The following CEP295 variants were observed in gnomAD, a reference collection of about 807,000 sequenced individuals.
CEP295 encodes centrosomal protein of 295 kDa.
CEP295 carries 190 observed loss-of-function variants against 291.6 expected under a neutral mutation model. The observed-to-expected ratio is 0.65, with a 90% CI of 0.58 to 0.73. CEP295 has a LOEUF of 0.73. CEP295 is among the 30% of genes least tolerant of loss of function. The probability of loss-of-function intolerance (pLI) is 0.00; values close to 1 mark genes in which losing one functional copy is unlikely to be tolerated. For missense variants in CEP295, 2,863 were observed against 2,949.4 expected (o/e 0.97, Z 0.68); for synonymous variants, 993 against 1,038.8 (o/e 0.96, Z 0.85).
At chr11:93,691,903 T>C in intron 11 of CEP295, 24 bp from the exon 12 acceptor site, 4 of 1,453,524 alleles carry the variant, frequency 2.8e-6, no homozygotes, top group Non-Finnish European at 3.7e-6. Context: ...TTGAAACTAA[T>C]TTTTGTTTGG....
chr11:93,665,185 G>A (rs1950151016), intron 1 of CEP295, among the ~76,000 whole-genome samples: 1 of 152,156 alleles, frequency 6.6e-6, no homozygotes, highest in South Asian at 2.1e-4. Context: ...CCTGAGAAAT[G>A]TTGATTGTCT....
chr11:93,692,839 GAC>G (rs1326731008), intron 12 of CEP295, among the ~76,000 whole-genome samples: 1 of 151,728 alleles, frequency 6.6e-6, no homozygotes, highest in African/African-American at 2.4e-5. Context: ...TGGGTGTGGT[GAC>G]ACAAATCTGT....
intron 1 of CEP295, among the ~76,000 whole-genome samples, chr11:93,662,995 T>C (rs1188221168): frequency 6.6e-6 from 1 of 152,182 alleles, no homozygotes; most frequent in Non-Finnish European, 1.5e-5. Flanking sequence ...CAAATCTAAA[T>C]GGAGGGACAT....
At chr11:93,703,627 G>T (rs1482532522) in intron 17 of CEP295, among the ~76,000 whole-genome samples, 1 of 141,206 alleles carries the variant, frequency 7.1e-6, no homozygotes, top group African/African-American at 2.7e-5. Context: ...TACCTTCACT[G>T]TTCTGTTCTT....
chr11:93,679,542 A>G lies in CEP295; in HGVS notation c.755A>G (p.His252Arg), dbSNP rs1310493587. ...GGATTCCAAGCAATGAAGAAGATCC[A>G]TTTGGCTCAAGTAAGACTTATATTC... ...VRGFQAMKKIHLAQNQEKLMK... is the reference protein window; with the variant it reads ...VRGFQAMKKIRLAQNQEKLMK... The change falls in exon 7 of 30, where the codon CAT (histidine) becomes CGT (arginine). Residue 252 changes from histidine (H) to arginine (R), a missense_variant. Physicochemically the swap from His to Arg is conservative, Grantham distance 29 (BLOSUM62 0). Around this residue, in one of 3 missense-constraint regions of CEP295, gnomAD observed 554 missense variants for 576.0 expected, o/e 0.96. Coordinates refer to ENST00000325212, the MANE Select transcript of CEP295 (RefSeq NM_033395.2). 2 of 1,551,360 alleles carry G rather than the reference A, an allele frequency of 1.3e-6. No homozygotes were observed. Among genetic ancestry groups the G allele is most frequent in the South Asian group, 2.4e-5 (2 of 84,024 alleles).
Position 93,730,044 on chromosome 11 carries a change from T to C in CEP295, c.7668-5T>C. ...TGTCTCTAATTCTATATAAATTCTT[T>C]ACAGGTTATACAATCAACTAGCTGA... On this transcript the variant is annotated splice_polypyrimidine_tract_variant and splice_region_variant and intron_variant, in intron 28 of 29. Coordinates refer to ENST00000325212, the MANE Select transcript of CEP295 (RefSeq NM_033395.2). 1 of 1,534,646 alleles carries C rather than the reference T, an allele frequency of 6.5e-7. No homozygotes were observed. The highest frequency in any genetic ancestry group is 8.8e-7 in the Non-Finnish European group (1 of 1,140,776).
At chr11:93,723,965 A>C (rs1953951265) in intron 21 of CEP295, 1 of 171,882 alleles carries the variant, frequency 5.8e-6, no homozygotes, top group Admixed American at 6.3e-5. Context: ...TATTTTAAAA[A>C]AAAATTTTTT....
chr11:93,725,246 CAAAA>C (rs143213241), intron 22 of CEP295, among the ~76,000 whole-genome samples: 1 of 127,310 alleles, frequency 7.9e-6, no homozygotes. Flanking sequence ...GACCCCATCT[CAAAA>C]AAAAAAAAAG....
At chr11:93,686,352 C>A (rs188831403) in intron 9 of CEP295, among the ~76,000 whole-genome samples, 2 of 151,938 alleles carry the variant, frequency 1.3e-5, no homozygotes, top group Admixed American at 1.3e-4. Flanking sequence ...CTCTTTCATG[C>A]AGCTTTTTCA....
In CEP295 at chr11:93,720,929, A is replaced by G. The variant is rs111524157; in HGVS notation, c.5750-383A>G. On this transcript the variant is annotated intron_variant, in intron 18 of 29. Transcript: ENST00000325212. ...TTTCTTTATTGTCTCTTTTATATGC[A>G]TGTTTTCGCATCTTTAGGACCACAC... is the stretch of plus-strand genomic sequence containing the variant. Among the ~76,000 whole-genome samples, 15 of 152,078 alleles carry G rather than the reference A, an allele frequency of 9.9e-5. No individual in the cohort carries two copies. The East Asian group carries it at 1.5e-3, about 16-fold the overall frequency.
chr11:93,699,831 A>G lies in CEP295; in HGVS notation c.4919A>G (p.His1640Arg), dbSNP rs1293837979. ...RKLNKSESAE[H>R]TIPSLFLPKE... is the part of the protein sequence containing the mutation. ...TTGAACAAAAGTGAATCTGCTGAGC[A>G]TACTATCCCCTCTTTGTTTCTACCC... The change falls in exon 15 of 30, where the codon CAT (histidine) becomes CGT (arginine). Residue 1640 changes from histidine to arginine, a missense_variant. His to Arg is a conservative substitution (Grantham distance 29, BLOSUM62 0). Coordinates refer to ENST00000325212, the MANE Select transcript of CEP295 (RefSeq NM_033395.2). 1.3e-6 allele frequency: 2 copies of G among 1,552,322 alleles called. No individual in the cohort carries two copies. Among genetic ancestry groups the G allele is most frequent in the Non-Finnish European group, 1.7e-6 (2 of 1,147,128 alleles).
chr11:93,697,017 A>G lies in CEP295; in HGVS notation c.2105A>G (p.Gln702Arg). Reference sequence around the variant, plus strand: ...CGCGCTTCAGATATTTTAACCAATCAAGCTTTAGAATCACAAGAACATCTA... The same window carrying G: ...CGCGCTTCAGATATTTTAACCAATCGAGCTTTAGAATCACAAGAACATCTA... ...TLRASDILTN[Q>R]ALESQEHLRQ... The change falls in exon 15 of 30, where the codon CAA (glutamine) becomes CGA (arginine). Residue 702 changes from glutamine (Q) to arginine (R), a missense_variant. Gln to Arg is a conservative substitution (Grantham distance 43). This residue lies in a region of CEP295 where 2,295 missense variants were observed against 2,335.7 expected (regional missense o/e 0.98). Coordinates refer to ENST00000325212, the MANE Select transcript of CEP295 (RefSeq NM_033395.2). 6.4e-7 allele frequency: 1 copy of G among 1,551,618 alleles called. No individual in the cohort carries two copies. The highest frequency in any genetic ancestry group is 8.7e-7 in the Non-Finnish European group (1 of 1,146,988).
Position 93,721,420 on chromosome 11 carries a change from A to G in CEP295, c.5850+8A>G, listed in dbSNP as rs1953702357. On this transcript the variant is annotated splice_region_variant and intron_variant, in intron 19 of 29. Transcript: ENST00000325212. ...GTGAAGCCAGATGATAAGGTTAGTA[A>G]TGTCTTAATGTTCACTCGATTTTTA... 1 of 1,510,090 alleles carries G rather than the reference A, an allele frequency of 6.6e-7. No individual in the cohort carries two copies. The highest frequency in any genetic ancestry group is 1.4e-5 in the African/African-American group (1 of 72,846). 93.5% of individuals were successfully genotyped at this position (1,510,090 alleles called of 1,614,324 possible).
chr11:93,696,488 A>G, intron 14 of CEP295, 71 bp downstream of exon 14: 1 of 1,131,960 alleles, frequency 8.8e-7, no homozygotes, highest in Non-Finnish European at 1.3e-6. Context: ...TTTCATTTAT[A>G]TGAGGATCTA....
chr11:93,720,175 TAAC>T (rs1953592088), intron 18 of CEP295, among the ~76,000 whole-genome samples: 1 of 148,880 alleles, frequency 6.7e-6, no homozygotes, highest in Non-Finnish European at 1.5e-5. Context: ...CTGGGAAACA[TAAC>T]AAGACTCTGT....
chr11:93,725,815 A>G lies in CEP295; in HGVS notation c.6483A>G (p.Thr2161=), dbSNP rs1235791695. ...LAHVGAHSFA[T]ENIIGGSEQC... ...ATGTTGGAGCTCACAGTTTTGCTACAGAAAATATTATTGGGGGTATGTATG... is the reference window on the plus strand; with the variant it reads ...ATGTTGGAGCTCACAGTTTTGCTACGGAAAATATTATTGGGGGTATGTATG... The change falls in exon 23 of 30, where the codon ACA becomes ACG. Residue 2161 remains threonine, a synonymous_variant. Coordinates refer to ENST00000325212, the MANE Select transcript of CEP295 (RefSeq NM_033395.2). The G allele has an allele frequency of 6.4e-7, 1 of 1,550,900 alleles. No individual in the cohort carries two copies. The highest frequency in any genetic ancestry group is 8.7e-7 in the Non-Finnish European group (1 of 1,146,808).
intron 18 of CEP295, among the ~76,000 whole-genome samples, chr11:93,710,154 C>T (rs1209743071): frequency 6.6e-6 from 1 of 152,150 alleles, no homozygotes; most frequent in Non-Finnish European, 1.5e-5. Context: ...GCTAGGACTT[C>T]CAGTACCATT....
At chr11:93,676,597 G>GT (rs1361728308) in intron 6 of CEP295, among the ~76,000 whole-genome samples, 1 of 151,942 alleles carries the variant, frequency 6.6e-6, no homozygotes, top group Non-Finnish European at 1.5e-5. Flanking sequence ...AGATGCAAGA[G>GT]TAAATCTGAG....
chr11:93,724,160 A>T, intron 21 of CEP295, 94 bp from the exon 22 acceptor site: 1 of 1,162,706 alleles, frequency 8.6e-7, no homozygotes, highest in Non-Finnish European at 1.2e-6. Flanking sequence ...GTTTATGAAT[A>T]TGTTCTTAAT....
Sources: gnomAD v4.1 joint callset for allele counts (sites outside exome capture counted in the v4.1 genomes callset) on GRCh38, gnomAD v4.1.1 for gene constraint, gnomAD v4.1.1 regional missense constraint, MANE v1.5 for transcripts, NCBI Gene and HGNC (gene_info 2026-07-23, HGNC 2026-07-21) for gene names.